Variants in RILPL1 observed in about 807,000 individuals in gnomAD.
The protein encoded by RILPL1 is Rab interacting lysosomal protein like 1, also known as RILP-like protein 1.
Under a neutral mutation model 50.3 loss-of-function variants are expected in RILPL1, and 33 were observed. The observed-to-expected ratio is 0.66, with a 90% confidence interval of 0.50 to 0.88. The LOEUF is 0.88. Ranked by LOEUF, RILPL1 falls within the 40% of genes least tolerant of loss-of-function variation. The pLI, the probability that RILPL1 is intolerant of heterozygous loss-of-function variation, is 0.00. For synonymous variants in RILPL1, 205 were observed against 228.6 expected, an observed-to-expected ratio of 0.90 and a Z score of 0.93; for missense variants, 418 against 542.5, an observed-to-expected ratio of 0.77 and a Z score of 2.28.
intron 2 of RILPL1, among the ~76,000 whole-genome samples, chr12:123,516,803 G>A (rs1439726556): frequency 1.3e-5 from 2 of 152,188 alleles, no homozygotes; most frequent in East Asian, 3.9e-4. Flanking sequence ...CCTCATGCCT[G>A]TAATCCCAGC....
In RILPL1 at chr12:123,523,655, C is replaced by T. The variant is rs1885150477; in HGVS notation, c.310-10G>A. The T allele has an allele frequency of 6.2e-7, 1 of 1,612,172 alleles. No individual in the cohort carries two copies. Among genetic ancestry groups the T allele is most frequent in the Admixed American group, 1.7e-5 (1 of 59,830 alleles). ...CCACCAGCTCCAGCTCCTGCCAAGGCAAGGGGACAGCATGGGGTCACTGCC... is the reference window on the plus strand; with the variant it reads ...CCACCAGCTCCAGCTCCTGCCAAGGTAAGGGGACAGCATGGGGTCACTGCC... On this transcript the variant is annotated splice_polypyrimidine_tract_variant and intron_variant, in intron 1 of 6. Coordinates refer to ENST00000376874, the MANE Select transcript of RILPL1 (RefSeq NM_178314.5).
rs573226785 is a variant in RILPL1 at position 123,485,858 on chromosome 12, C to T, written c.802-53G>A. On this transcript the variant is annotated intron_variant, in intron 4 of 6. Coordinates refer to ENST00000376874, the MANE Select transcript of RILPL1 (RefSeq NM_178314.5). This position sits in a 1 kb window ranked among gnomAD's most constrained non-coding sequence, Gnocchi z 4.0. The stretch of plus-strand genomic sequence containing the variant: ...AATTCTTGGCAGCCACTGCCAGCAC[C>T]CACTCTCTATCCTGAAGGAGCCCAA... 5.2e-6 allele frequency: 8 copies of T among 1,538,204 alleles called. No individual in the cohort carries two copies. Among genetic ancestry groups the T allele is most frequent in the Admixed American group, 2.0e-5 (1 of 50,044 alleles).
At chr12:123,478,082 G>A (rs1216353545) in intron 6 of RILPL1, among the ~76,000 whole-genome samples, 5 of 139,108 alleles carry the variant, frequency 3.6e-5, no homozygotes, top group Non-Finnish European at 6.1e-5. Flanking sequence ...CTGCAGCCGC[G>A]ACCTCCTGGG....
chr12:123,478,963 T>G (rs1186840136), intron 6 of RILPL1, among the ~76,000 whole-genome samples: 1 of 152,218 alleles, frequency 6.6e-6, no homozygotes, highest in Non-Finnish European at 1.5e-5. Context: ...TTGGAACATC[T>G]TCCGGGCACA....
At chr12:123,519,865 T>C (rs1884929842) in intron 2 of RILPL1, 3 of 152,316 alleles carry the variant, frequency 2.0e-5, no homozygotes, top group Admixed American at 2.0e-4. Context: ...CTCAGATTGC[T>C]CACGTGTGGG....
chr12:123,485,717 T>C lies in RILPL1; in HGVS notation c.890A>G (p.Gln297Arg). The C allele has an allele frequency of 1.9e-6, 3 of 1,613,446 alleles. No individual in the cohort carries two copies. The highest frequency in any genetic ancestry group is 2.5e-6 in the Non-Finnish European group (3 of 1,179,678). ...KDPNRPRFTL[Q>R]ELRDVLHERN... ...CTCGTGCAGCACGTCCCGCAGCTCC[T>C]GCAGGGTGAACCGGGGGCGGTTGGG... Residue 297 changes from glutamine to arginine, a missense_variant, in exon 5 of 7, where the codon CAG becomes CGG. By Grantham distance (43) the Gln-to-Arg change is conservative (BLOSUM62 1). Coordinates refer to ENST00000376874, the MANE Select transcript of RILPL1 (RefSeq NM_178314.5). The surrounding 1 kb of genome is among the most constrained non-coding windows in gnomAD (Gnocchi z 4.0).
intron 4 of RILPL1, among the ~76,000 whole-genome samples, chr12:123,493,680 G>A (rs887512588): frequency 6.6e-6 from 1 of 151,956 alleles, no homozygotes; most frequent in African/African-American, 2.4e-5. Flanking sequence ...CACGTTCTCC[G>A]GCCTAGCTCA....
In RILPL1 at chr12:123,485,910, G is replaced by A; in HGVS notation, c.802-105C>T. The A allele has an allele frequency of 1.7e-6, 2 of 1,179,010 alleles. No individual in the cohort carries two copies. The highest frequency in any genetic ancestry group is 2.3e-6 in the Non-Finnish European group (2 of 868,106). The allele number at this position is 1,179,010 out of a possible 1,614,324, so 73.0% of individuals were successfully genotyped here. ...TTCTCCCCCTCCCGGGGTGCCAGCAGCCTGTGGAGGGTGCTATTTTCAGCA... is the reference window on the plus strand; with the variant it reads ...TTCTCCCCCTCCCGGGGTGCCAGCAACCTGTGGAGGGTGCTATTTTCAGCA... On this transcript the variant is annotated intron_variant, in intron 4 of 6. Transcript: ENST00000376874. The surrounding 1 kb of genome is among the most constrained non-coding windows in gnomAD (Gnocchi z 4.0).
At chr12:123,512,155 G>GTGGT (rs1204396255) in intron 2 of RILPL1, among the ~76,000 whole-genome samples, 1 of 117,014 alleles carries the variant, frequency 8.5e-6, no homozygotes, top group African/African-American at 3.2e-5. Flanking sequence ...CTGTGTGTGT[G>GTGGT]GTGTGTGAGG....
intron 2 of RILPL1, among the ~76,000 whole-genome samples, chr12:123,505,368 G>A (rs1194413410): frequency 1.3e-5 from 2 of 152,132 alleles, no homozygotes; most frequent in Non-Finnish European, 2.9e-5. Context: ...TTGTCACCTA[G>A]GCTAAAGTGC....
intron 4 of RILPL1, among the ~76,000 whole-genome samples, chr12:123,487,847 C>T (rs570701290): frequency 2.0e-5 from 3 of 152,292 alleles, no homozygotes; most frequent in Admixed American, 6.5e-5. Flanking sequence ...GTTGTCAAAC[C>T]GTTTCCCACG....
Position 123,498,230 on chromosome 12 carries a change from T to A in RILPL1, c.801+314A>T, listed in dbSNP as rs977733701. Among the ~76,000 whole-genome samples, 1 of 151,978 alleles carries A rather than the reference T, an allele frequency of 6.6e-6. No homozygotes were observed. Among genetic ancestry groups the A allele is most frequent in the African/African-American group, 2.4e-5 (1 of 41,348 alleles). ...TTTTCTCTCTCTCTCTCTCTCTTTT[T>A]TTTTTAGACAGGTCTGGCTCTGTTA... is the stretch of plus-strand genomic sequence containing the variant. On this transcript the variant is annotated intron_variant, in intron 4 of 6. Transcript: ENST00000376874. This position sits in a 1 kb window ranked among gnomAD's most constrained non-coding sequence, Gnocchi z 4.3.
In RILPL1 at chr12:123,485,758, G is replaced by C; in HGVS notation, c.849C>G (p.Ala283=). ...GGCGGTTGGGGTCCTTGAGATCCAT[G>C]GCCACCTTCTCTGCGTCGGAGATGC... ...EESISDAEKV[A]MDLKDPNRPR... The change falls in exon 5 of 7, where the codon GCC becomes GCG. Residue 283 remains alanine, a synonymous_variant. Transcript: ENST00000376874. This position sits in a 1 kb window ranked among gnomAD's most constrained non-coding sequence, Gnocchi z 4.0. 6.2e-7 allele frequency: 1 copy of C among 1,612,222 alleles called. No individual in the cohort carries two copies. Among genetic ancestry groups the C allele is most frequent in the Non-Finnish European group, 8.5e-7 (1 of 1,179,200 alleles).
At position 123,496,296 on chromosome 12, in the gene RILPL1, G is replaced by C. The variant is rs1593556530; in HGVS notation, c.801+2248C>G. Among the ~76,000 whole-genome samples the C allele has an allele frequency of 3.3e-5, 5 of 151,610 alleles. No homozygotes were observed. The South Asian group carries it at 1.0e-3, about 32-fold the overall frequency. On this transcript the variant is annotated intron_variant, in intron 4 of 6. Coordinates refer to ENST00000376874, the MANE Select transcript of RILPL1 (RefSeq NM_178314.5). ...CCCAAAGTGCTGGGATTACAGGTGT[G>C]AGCCACCATGCCTGGCAACTACTCC...
rs773732697 is a variant in RILPL1, at chr12:123,498,807, G to A, written c.580-42C>T. 21 of 1,579,958 alleles carry A rather than the reference G, an allele frequency of 1.3e-5. No individual in the cohort carries two copies. The highest frequency in any genetic ancestry group is 7.7e-5 in the South Asian group (7 of 90,556). ...ACCATTGTGCGGGGCTGCCACCTGC[G>A]GTAGCTCAGGTTGTACACTGCACAA... On this transcript the variant is annotated intron_variant, in intron 3 of 6. Transcript: ENST00000376874. The surrounding 1 kb of genome is among the most constrained non-coding windows in gnomAD (Gnocchi z 4.3).
chr12:123,482,289 C>T (rs975483075), intron 6 of RILPL1, among the ~76,000 whole-genome samples: 2 of 152,122 alleles, frequency 1.3e-5, no homozygotes, highest in Non-Finnish European at 2.9e-5. Flanking sequence ...TGGTGCCATG[C>T]GTCTTCCCTA....
intron 2 of RILPL1, among the ~76,000 whole-genome samples, chr12:123,511,863 G>GGT (rs1884282149): frequency 7.6e-6 from 1 of 131,270 alleles, no homozygotes; most frequent in Admixed American, 7.7e-5. Flanking sequence ...GTCTGTGTGT[G>GGT]GTGTGTGAGG....
chr12:123,479,294 C>T lies in RILPL1; in HGVS notation c.1067+4886G>A, dbSNP rs554656483. On this transcript the variant is annotated intron_variant, in intron 6 of 6. Coordinates refer to ENST00000376874, the MANE Select transcript of RILPL1 (RefSeq NM_178314.5). ...CTTTAGTTCAAGTACTCTAAGCTGC[C>T]GAAGCCCCTGAACACTCCTTGGCGA... Among the ~76,000 whole-genome samples the T allele has an allele frequency of 7.2e-5, 11 of 152,084 alleles. No homozygotes were observed. The South Asian group carries it at 1.9e-3, about 26-fold the overall frequency.
rs182245008 is a variant in RILPL1 at position 123,521,312 on chromosome 12, G to T, written c.460+2183C>A. Among the ~76,000 whole-genome samples the T allele has an allele frequency of 7.2e-5, 11 of 151,928 alleles. No individual in the cohort carries two copies. The East Asian group carries it at 1.5e-3, about 21-fold the overall frequency. ...CACGTGACTTGATCAAAGTCACATA[G>T]CAGGGAGGTTTCAGGGTCAGGACTC... On this transcript the variant is annotated intron_variant, in intron 2 of 6. Transcript: ENST00000376874.
Sources: gnomAD v4.1 joint callset for allele counts (sites outside exome capture counted in the v4.1 genomes callset) on GRCh38, gnomAD v4.1.1 for gene constraint, Gnocchi (gnomAD v3.1) non-coding constraint, MANE v1.5 for transcripts, NCBI Gene and HGNC (gene_info 2026-07-23, HGNC 2026-07-21) for gene names.